Variants in RNLS observed in about 807,000 individuals in gnomAD.
The protein encoded by RNLS is renalase, FAD dependent amine oxidase, also known as renalase.
A neutral mutation model predicts 39.8 loss-of-function variants in RNLS; 39 were observed. The observed-to-expected ratio is 0.98, with a 90% CI of 0.76 to 1.28. The LOEUF is 1.28. Ranked by LOEUF, RNLS falls within the 50% of genes most tolerant of loss-of-function variation. RNLS has a pLI of 0.00. For synonymous variants in RNLS, 147 were observed against 150.7 expected, an observed-to-expected ratio of 0.98 and a Z score of 0.18; for missense variants, 410 against 413.3, an observed-to-expected ratio of 0.99 and a Z score of 0.07.
chr10:88,492,790 C>T (rs940264674), intron 4 of RNLS, among the ~76,000 whole-genome samples: 7 of 152,048 alleles, frequency 4.6e-5, no homozygotes, highest in African/African-American at 1.4e-4. Context: ...CTTTTTCAAT[C>T]TCATCATCCC....
chr10:88,227,944 G>A, the RNLS span, among the ~76,000 whole-genome samples: 1 of 152,020 alleles, frequency 6.6e-6, no homozygotes, highest in African/African-American at 2.4e-5. Context: ...AAGGAGGGTG[G>A]GCTTCCTCAA....
At chr10:88,505,437 A>G (rs982420552) in intron 4 of RNLS, among the ~76,000 whole-genome samples, 5 of 150,390 alleles carry the variant, frequency 3.3e-5, no homozygotes, top group Non-Finnish European at 5.9e-5. Flanking sequence ...AACTGTGTGC[A>G]TGTGTGTTGG....
At position 88,526,881 on chromosome 10, in the gene RNLS, G is replaced by A. The variant is rs192751106; in HGVS notation, c.526+46022C>T. Among the ~76,000 whole-genome samples the A allele has an allele frequency of 2.3e-4, 35 of 151,826 alleles. No individual in the cohort carries two copies. The East Asian group carries it at 3.5e-3, about 15-fold the overall frequency. On this transcript the variant is annotated intron_variant, in intron 4 of 6. Coordinates refer to ENST00000331772, the MANE Select transcript of RNLS (RefSeq NM_001031709.3). The stretch of plus-strand genomic sequence containing the variant: ...TTAGCAGTGGGAAACCAGTAAAGCC[G>A]CAGAACTGCAGAAATGTTAAGGAAC...
chr10:88,472,544 G>A (rs1009021468), intron 4 of RNLS, among the ~76,000 whole-genome samples: 3 of 152,056 alleles, frequency 2.0e-5, no homozygotes, highest in Non-Finnish European at 4.4e-5. Flanking sequence ...GGAAGGAAAA[G>A]GTAAGAATTT....
chr10:88,172,839 GTTGTTTT>G, the RNLS span, among the ~76,000 whole-genome samples: 1 of 31,510 alleles, frequency 3.2e-5, no homozygotes, highest in Admixed American at 4.9e-4. Flanking sequence ...TGCATTTTGA[GTTGTTTT>G]TTTTTTTTTT....
chr10:88,375,543 A>ATTAT (rs1380674687), intron 4 of RNLS, among the ~76,000 whole-genome samples: 1 of 152,186 alleles, frequency 6.6e-6, no homozygotes, highest in African/African-American at 2.4e-5. Flanking sequence ...AGATTACAAC[A>ATTAT]TTATTTCTAT....
chr10:88,381,904 AAT>A (rs1021834466), intron 4 of RNLS, among the ~76,000 whole-genome samples: 5 of 28,066 alleles, frequency 1.8e-4, no homozygotes, highest in East Asian at 1.4e-3. Flanking sequence ...CAAAAATAAC[AAT>A]TTTTTGGTAC....
intron 4 of RNLS, among the ~76,000 whole-genome samples, chr10:88,506,070 C>A (rs1384195438): frequency 6.6e-6 from 1 of 152,020 alleles, no homozygotes; most frequent in Middle Eastern, 3.2e-3. Context: ...CTCTGAAATA[C>A]CCTAAAGTTT....
At chr10:88,429,443 A>G (rs1216851726) in intron 4 of RNLS, among the ~76,000 whole-genome samples, 2 of 151,960 alleles carry the variant, frequency 1.3e-5, no homozygotes, top group African/African-American at 2.4e-5. Context: ...GGAATGTTGA[A>G]TAAATTTGGA....
At chr10:88,225,977 A>G in the RNLS span, among the ~76,000 whole-genome samples, 6 of 152,058 alleles carry the variant, frequency 3.9e-5, no homozygotes, top group South Asian at 2.1e-4. Context: ...TTTGTGAACT[A>G]TTACTACTGG....
chr10:88,340,891 C>T (rs1454367667), intron 5 of RNLS, among the ~76,000 whole-genome samples: 2 of 151,514 alleles, frequency 1.3e-5, no homozygotes, highest in East Asian at 3.9e-4. Flanking sequence ...GAAACCCCAT[C>T]TCTACTAAAA....
chr10:88,404,735 G>A (rs960028973), intron 4 of RNLS, among the ~76,000 whole-genome samples: 1 of 151,970 alleles, frequency 6.6e-6, no homozygotes, highest in Non-Finnish European at 1.5e-5. Flanking sequence ...GAGAAACCAG[G>A]AGGTTACCCA....
chr10:88,378,219 T>A (rs1194341548), intron 4 of RNLS, among the ~76,000 whole-genome samples: 6 of 151,822 alleles, frequency 4.0e-5, no homozygotes, highest in Non-Finnish European at 1.5e-5. Context: ...AAAAAAAAAA[T>A]AAGTCTAAGA....
chr10:88,421,594 T>G (rs1029601623), intron 4 of RNLS, among the ~76,000 whole-genome samples: 2 of 152,106 alleles, frequency 1.3e-5, no homozygotes, highest in African/African-American at 2.4e-5. Context: ...CTCTAATCAC[T>G]CTCCTTTCTA....
At chr10:88,572,878 A>T (rs752661938) in intron 4 of RNLS, 25 bp downstream of exon 4, 4 of 1,608,106 alleles carry the variant, frequency 2.5e-6, no homozygotes, top group Non-Finnish European at 8.5e-7. Context: ...TCCCTGAGGC[A>T]GGTAAATGGC....
intron 4 of RNLS, among the ~76,000 whole-genome samples, chr10:88,559,881 G>A (rs1004888425): frequency 6.6e-6 from 1 of 151,806 alleles, no homozygotes; most frequent in African/African-American, 2.4e-5. Context: ...CGAAAACTAC[G>A]AGCACATGTA....
chr10:88,487,035 AAGG>A (rs1262838660), intron 4 of RNLS, among the ~76,000 whole-genome samples: 2 of 152,192 alleles, frequency 1.3e-5, no homozygotes, highest in Non-Finnish European at 2.9e-5. Flanking sequence ...CATAAAAAAG[AAGG>A]AGATCATGTC....
At chr10:88,538,932 T>C (rs1032644744) in intron 4 of RNLS, among the ~76,000 whole-genome samples, 6 of 152,176 alleles carry the variant, frequency 3.9e-5, no homozygotes, top group Non-Finnish European at 2.9e-5. Flanking sequence ...CCCAGATTTA[T>C]GACTTCATTT....
chr10:88,281,821 TAAGGTGA>T (rs1482285732), downstream of RNLS, among the ~76,000 whole-genome samples: 30 of 151,848 alleles, frequency 2.0e-4, no homozygotes, highest in Admixed American at 1.3e-4. Context: ...CTATGAATCA[TAAGGTGA>T]TTGCATTCAT....
Sources: allele counts gnomAD v4.1 joint callset (sites outside exome capture counted in the v4.1 genomes callset), GRCh38; gene constraint gnomAD v4.1.1; transcripts MANE v1.5; gene names NCBI Gene and HGNC (gene_info 2026-07-23, HGNC 2026-07-21).